NRCAM: variants seen among roughly 807,000 people sequenced by gnomAD.
NRCAM encodes the protein neuronal cell adhesion molecule.
NRCAM carries 83 observed loss-of-function variants against 156.5 expected under a neutral mutation model. That is an observed-to-expected ratio of 0.53 (90% CI 0.44 to 0.64). The LOEUF is 0.64. Ranked by LOEUF, NRCAM falls within the 30% of genes least tolerant of loss-of-function variation. The pLI, the probability that NRCAM is intolerant of heterozygous loss-of-function variation, is 0.00. For synonymous variants in NRCAM, 538 were observed against 563.9 expected, an observed-to-expected ratio of 0.95 and a Z score of 0.65; for missense variants, 1,417 against 1,597.3, an observed-to-expected ratio of 0.89 and a Z score of 1.92.
chr7:108,366,988 G>A (rs1003414045), intron 2 of NRCAM, among the ~76,000 whole-genome samples: 7 of 152,214 alleles, frequency 4.6e-5, no homozygotes, highest in African/African-American at 1.4e-4. Context: ...GGATAAGTGA[G>A]AAGAAACTAC....
chr7:108,393,686 C>T (rs982768386), intron 2 of NRCAM, among the ~76,000 whole-genome samples: 1 of 152,154 alleles, frequency 6.6e-6, no homozygotes, highest in Non-Finnish European at 1.5e-5. Flanking sequence ...AAGCTGGGAG[C>T]TGTAGACTGG....
At chr7:108,220,028 C>G (rs1036202806) in intron 11 of NRCAM, among the ~76,000 whole-genome samples, 2 of 151,502 alleles carry the variant, frequency 1.3e-5, no homozygotes, top group Non-Finnish European at 2.9e-5. Context: ...TTAATGTACA[C>G]AAATCAGTAG....
intron 13 of NRCAM, among the ~76,000 whole-genome samples, chr7:108,204,550 A>G (rs1032472071): frequency 1.3e-5 from 2 of 152,186 alleles, no homozygotes; most frequent in Admixed American, 1.3e-4. Flanking sequence ...GCTTCACAGT[A>G]CCTTGGTATA....
At chr7:108,260,144 C>T (rs919723441) in intron 3 of NRCAM, among the ~76,000 whole-genome samples, 2 of 152,144 alleles carry the variant, frequency 1.3e-5, no homozygotes, top group Non-Finnish European at 2.9e-5. Flanking sequence ...GCTTCCTATT[C>T]CGTTTCTCAA....
At chr7:108,274,525 A>T (rs1349121902) in intron 3 of NRCAM, among the ~76,000 whole-genome samples, 2 of 152,106 alleles carry the variant, frequency 1.3e-5, no homozygotes, top group East Asian at 3.9e-4. Context: ...TTCACTCATG[A>T]TTTGGCTCTC....
chr7:108,279,184 A>G (rs73727511), intron 3 of NRCAM, among the ~76,000 whole-genome samples: 6,326 of 152,314 alleles, frequency 0.042, 172 homozygotes, highest in South Asian at 0.11. Context: ...GCATGACTAA[A>G]ATCGCTGGAA....
At chr7:108,428,717 T>C (rs1448206552) in intron 1 of NRCAM, among the ~76,000 whole-genome samples, 1 of 152,222 alleles carries the variant, frequency 6.6e-6, no homozygotes, top group East Asian at 1.9e-4. Context: ...TCAATAAGTA[T>C]GTTTAATAAA....
At chr7:108,408,661 CAT>C (rs926091667) in intron 1 of NRCAM, among the ~76,000 whole-genome samples, 8 of 152,224 alleles carry the variant, frequency 5.3e-5, no homozygotes, top group Non-Finnish European at 8.8e-5. Context: ...TATTAGCTCA[CAT>C]ATGTCTTTAC....
intron 3 of NRCAM, among the ~76,000 whole-genome samples, chr7:108,273,364 A>G (rs577768637): frequency 2.0e-5 from 3 of 152,178 alleles, no homozygotes; most frequent in Admixed American, 6.5e-5. Context: ...AGTCCCACCA[A>G]CAGTGTAAAA....
intron 1 of NRCAM, among the ~76,000 whole-genome samples, chr7:108,424,435 T>G (rs1218995348): frequency 6.6e-6 from 1 of 152,172 alleles, no homozygotes; most frequent in Non-Finnish European, 1.5e-5. Context: ...ATAATTACAG[T>G]GCATCAACTA....
intron 2 of NRCAM, among the ~76,000 whole-genome samples, chr7:108,345,192 A>G (rs1016828404): frequency 2.6e-5 from 4 of 152,200 alleles, no homozygotes; most frequent in African/African-American, 9.7e-5. Flanking sequence ...ATGAGAACAG[A>G]AAGTCTGGGT....
chr7:108,227,075 T>C (rs1432171582), intron 8 of NRCAM, among the ~76,000 whole-genome samples: 1 of 152,226 alleles, frequency 6.6e-6, no homozygotes, highest in Non-Finnish European at 1.5e-5. Flanking sequence ...TATCTACTCA[T>C]CATACATATG....
chr7:108,272,217 C>A (rs750153709), intron 3 of NRCAM, among the ~76,000 whole-genome samples: 2 of 152,216 alleles, frequency 1.3e-5, no homozygotes, highest in Admixed American at 1.3e-4. Flanking sequence ...TAAAGTATCA[C>A]ATGGTCTTTT....
intron 3 of NRCAM, among the ~76,000 whole-genome samples, chr7:108,267,058 G>T (rs1274728838): frequency 6.6e-6 from 1 of 152,090 alleles, no homozygotes; most frequent in Non-Finnish European, 1.5e-5. Flanking sequence ...TTCCAATAGG[G>T]TGTTATAAAG....
chr7:108,342,713 C>T (rs188213242), intron 2 of NRCAM, among the ~76,000 whole-genome samples: 17 of 152,330 alleles, frequency 1.1e-4, no homozygotes, highest in South Asian at 4.1e-4. Context: ...AGTAAGGAAA[C>T]TGATGTAGTG....
intron 2 of NRCAM, among the ~76,000 whole-genome samples, chr7:108,367,836 A>G (rs1595354141): frequency 6.6e-6 from 1 of 152,344 alleles, no homozygotes; most frequent in African/African-American, 2.4e-5. Flanking sequence ...GTGGTAATCC[A>G]CTTAAAACAA....
intron 2 of NRCAM, among the ~76,000 whole-genome samples, chr7:108,355,196 TA>T (rs1286391361): frequency 6.6e-6 from 1 of 152,130 alleles, no homozygotes; most frequent in Non-Finnish European, 1.5e-5. Context: ...AAACACATAT[TA>T]AAGAGCAAAG....
intron 2 of NRCAM, among the ~76,000 whole-genome samples, chr7:108,359,233 G>C (rs1012236497): frequency 2.0e-5 from 3 of 152,222 alleles, no homozygotes; most frequent in Non-Finnish European, 2.9e-5. Flanking sequence ...TGAAGCAGAT[G>C]TAAGTCTTGC....
chr7:108,206,666 G>A (rs1307244813), intron 13 of NRCAM, among the ~76,000 whole-genome samples: 1 of 152,162 alleles, frequency 6.6e-6, no homozygotes, highest in Non-Finnish European at 1.5e-5. Context: ...AGGAATTAAG[G>A]AGCAGTGAGG....
Sources: allele counts gnomAD v4.1 joint callset (sites outside exome capture counted in the v4.1 genomes callset), GRCh38; gene constraint gnomAD v4.1.1; transcripts MANE v1.5; gene names NCBI Gene and HGNC (gene_info 2026-07-23, HGNC 2026-07-21).